GPR37L1: variants seen among roughly 807,000 people sequenced by gnomAD.
GPR37L1 encodes G protein-coupled receptor 37-like 1.
A neutral mutation model predicts 18.0 loss-of-function variants in GPR37L1; 18 were observed. That is an observed-to-expected ratio of 1.00 (90% confidence interval 0.69 to 1.49). GPR37L1 has a LOEUF of 1.49. Among genes scored for constraint, GPR37L1 ranks in the 40% most tolerant of loss-of-function variants. The probability of loss-of-function intolerance (pLI) is 0.00; values close to 1 mark genes in which losing one functional copy is unlikely to be tolerated. For missense variants in GPR37L1, 558 were observed against 615.1 expected, an observed-to-expected ratio of 0.91 and a Z score of 0.98; for synonymous variants, 256 against 273.9, an observed-to-expected ratio of 0.93 and a Z score of 0.65.
At position 202,128,013 on chromosome 1, in the gene GPR37L1, G is replaced by A. The variant is rs761369014; in HGVS notation, c.903G>A (p.Leu301=). The A allele has an allele frequency of 1.2e-6, 2 of 1,614,172 alleles. No individual in the cohort carries two copies. The highest frequency in any genetic ancestry group is 3.3e-5 in the Admixed American group (2 of 60,024). The change falls in exon 2 of 2, where the codon CTG becomes CTA. Residue 301 remains leucine, a synonymous_variant. Coordinates refer to ENST00000367282, the MANE Select transcript of GPR37L1 (RefSeq NM_004767.5). ...GCCTGCCCGAGTCCCTGTATTCACT[G>A]GTGATGACCTACCAGAACGCCCGCA... The part of the protein sequence containing the change: ...SASLPESLYS[L]VMTYQNARMW...
chr1:202,128,606 G>C lies in GPR37L1; in HGVS notation c.*50G>C. 8.9e-7 allele frequency: 1 copy of C among 1,120,772 alleles called. No homozygotes were observed. The highest frequency in any genetic ancestry group is 2.4e-5 in the East Asian group (1 of 41,276). The allele number at this position is 1,120,772 out of a possible 1,614,324, so 69.4% of individuals were successfully genotyped here. ...GGGAGAGGCCGCCACCCCCGCCGGTGTCTGCTGTTCTTTCCCCATAGGTCT... is the reference window on the plus strand; with the variant it reads ...GGGAGAGGCCGCCACCCCCGCCGGTCTCTGCTGTTCTTTCCCCATAGGTCT... On this transcript the variant is annotated 3_prime_UTR_variant, in exon 2 of 2. Transcript: ENST00000367282.
In GPR37L1 at chr1:202,131,466, T is replaced by A. The variant is rs1340695833; in HGVS notation, c.*2910T>A. 1 of 152,262 alleles carries A rather than the reference T, an allele frequency of 6.6e-6. No homozygotes were observed. The highest frequency in any genetic ancestry group is 2.4e-5 in the African/African-American group (1 of 41,480). 9.4% of individuals were successfully genotyped at this position (152,262 alleles called of 1,614,324 possible). A position where few individuals can be genotyped will look rare whatever the true frequency, so the allele number is the denominator to read the frequency against. ...TCCTTCCTCTCCTTTGGGAATTCAA[T>A]TCTCTAGTGTTAGGAGCAGGCTTGG... On this transcript the variant is annotated 3_prime_UTR_variant, in exon 2 of 2. Coordinates refer to ENST00000367282, the MANE Select transcript of GPR37L1 (RefSeq NM_004767.5).
chr1:202,127,888 A>T lies in GPR37L1; in HGVS notation c.778A>T (p.Met260Leu), dbSNP rs1234027497. Reference sequence around the variant, plus strand: ...GTTGGCTGTCATCTGGGTGGGCTCCATGACGCTGGCTGTGCCTGAGCTCCT... The same window carrying T: ...GTTGGCTGTCATCTGGGTGGGCTCCTTGACGCTGGCTGTGCCTGAGCTCCT... Reference protein sequence around the residue: ...AKLAVIWVGSMTLAVPELLLW... With the variant: ...AKLAVIWVGSLTLAVPELLLW... The change falls in exon 2 of 2, where the codon ATG becomes TTG. Residue 260 changes from methionine (M) to leucine (L), a missense_variant. Transcript: ENST00000367282. 1 of 1,613,734 alleles carries T rather than the reference A, an allele frequency of 6.2e-7. No individual in the cohort carries two copies. The highest frequency in any genetic ancestry group is 1.3e-5 in the African/African-American group (1 of 74,922).
intron 1 of GPR37L1, among the ~76,000 whole-genome samples, chr1:202,126,344 G>T (rs1409157858): frequency 1.3e-5 from 2 of 151,950 alleles, no homozygotes; most frequent in Non-Finnish European, 2.9e-5. Context: ...GGAGGTGGAG[G>T]TTGCAGTGAG....
At position 202,128,149 on chromosome 1, in the gene GPR37L1, G is replaced by T. The variant is rs763290313; in HGVS notation, c.1039G>T (p.Ala347Ser). 1.4e-5 allele frequency: 22 copies of T among 1,613,874 alleles called. No individual in the cohort carries two copies. The highest frequency in any genetic ancestry group is 1.7e-5 in the Non-Finnish European group (20 of 1,180,020). ...GPPGRKSECR[A>S]SKHEQCESQL... Reference sequence around the variant, plus strand: ...TCCAGGGAGGAAGTCAGAGTGCAGGGCCAGCAAGCACGAGCAGTGTGAGAG... The same window carrying T: ...TCCAGGGAGGAAGTCAGAGTGCAGGTCCAGCAAGCACGAGCAGTGTGAGAG... Residue 347 changes from alanine to serine, a missense_variant, in exon 2 of 2, where the codon GCC becomes TCC. Transcript: ENST00000367282.
At position 202,128,253 on chromosome 1, in the gene GPR37L1, G is replaced by A. The variant is rs780778706; in HGVS notation, c.1143G>A (p.Val381=). ...TCCCAGAGAACGTCTGCAACATCGT[G>A]GTGGCCTACCTCTCCACCGAGCTGA... ...CTLPENVCNI[V]VAYLSTELTR... Residue 381 remains valine, a synonymous_variant, in exon 2 of 2, where the codon GTG becomes GTA. Transcript: ENST00000367282. 1 of 1,613,968 alleles carries A rather than the reference G, an allele frequency of 6.2e-7. No individual in the cohort carries two copies. The highest frequency in any genetic ancestry group is 1.1e-5 in the South Asian group (1 of 91,076).
Position 202,128,576 on chromosome 1 carries a change from A to G in GPR37L1, c.*20A>G. On this transcript the variant is annotated 3_prime_UTR_variant, in exon 2 of 2. Coordinates refer to ENST00000367282, the MANE Select transcript of GPR37L1 (RefSeq NM_004767.5). ...TGCTGAGGCCCCAGTAGGGGTGGGGAGGGAGGGAGAGGCCGCCACCCCCGC... is the reference window on the plus strand; with the variant it reads ...TGCTGAGGCCCCAGTAGGGGTGGGGGGGGAGGGAGAGGCCGCCACCCCCGC... 2 of 623,856 alleles carry G rather than the reference A, an allele frequency of 3.2e-6. No homozygotes were observed. The highest frequency in any genetic ancestry group is 1.8e-5 in the South Asian group (1 of 57,100). 38.6% of individuals were successfully genotyped at this position (623,856 alleles called of 1,614,324 possible).
intron 1 of GPR37L1, among the ~76,000 whole-genome samples, chr1:202,124,653 T>G (rs1029651061): frequency 5.3e-5 from 8 of 152,324 alleles, no homozygotes; most frequent in African/African-American, 1.9e-4. Context: ...TCGTGAATGA[T>G]GCTGCATGAC....
chr1:202,124,429 G>A (rs565732953), intron 1 of GPR37L1, among the ~76,000 whole-genome samples: 21 of 152,318 alleles, frequency 1.4e-4, no homozygotes, highest in Admixed American at 3.3e-4. Context: ...TTCTGGTAGC[G>A]TCTACGATAA....
chr1:202,126,176 G>A lies in GPR37L1; in HGVS notation c.631-1565G>A, dbSNP rs538327509. Among the ~76,000 whole-genome samples the A allele has an allele frequency of 6.6e-5, 10 of 152,280 alleles. No individual in the cohort carries two copies. In the South Asian group the frequency reaches 2.1e-3, roughly 32 times the overall value. On this transcript the variant is annotated intron_variant, in intron 1 of 1. Transcript: ENST00000367282. The stretch of plus-strand genomic sequence containing the variant: ...TGTAATCCCAGCACTTTGGGAGGCC[G>A]AGGTGGGCGGATCACGAGGTCAGGA...
At position 202,128,388 on chromosome 1, in the gene GPR37L1, C is replaced by T; in HGVS notation, c.1278C>T (p.Ala426=). The change falls in exon 2 of 2, where the codon GCC becomes GCT. Residue 426 remains alanine, a synonymous_variant. Transcript: ENST00000367282. ...LLCICRPLGQ[A]FLDCCCCCCC... The stretch of plus-strand genomic sequence containing the variant: ...GCATCTGCAGGCCGCTGGGCCAGGC[C>T]TTCCTGGACTGCTGCTGCTGCTGCT... 2 of 1,614,176 alleles carry T rather than the reference C, an allele frequency of 1.2e-6. No individual in the cohort carries two copies. The highest frequency in any genetic ancestry group is 2.2e-5 in the South Asian group (2 of 91,086).
At chr1:202,126,660 T>C (rs1275338554) in intron 1 of GPR37L1, among the ~76,000 whole-genome samples, 1 of 152,092 alleles carries the variant, frequency 6.6e-6, no homozygotes, top group Non-Finnish European at 1.5e-5. Context: ...TCCTTCCTGC[T>C]CTTTGGCACT....
chr1:202,128,109 G>C lies in GPR37L1; in HGVS notation c.999G>C (p.Trp333Cys). 2 of 1,614,088 alleles carry C rather than the reference G, an allele frequency of 1.2e-6. No individual in the cohort carries two copies. The highest frequency in any genetic ancestry group is 1.7e-6 in the Non-Finnish European group (2 of 1,180,022). ...CAGTCACCTGCCAGCTGGTGACATG[G>C]CGGGTGCGAGGCCCTCCAGGGAGGA... ...LFTVTCQLVT[W>C]RVRGPPGRKS... The change falls in exon 2 of 2, where the codon TGG (tryptophan) becomes TGC (cysteine). Residue 333 changes from tryptophan to cysteine, a missense_variant. By Grantham distance (215) the Trp-to-Cys change is radical (BLOSUM62 -2). Coordinates refer to ENST00000367282, the MANE Select transcript of GPR37L1 (RefSeq NM_004767.5).
rs560025973 is a variant in GPR37L1, at chr1:202,127,073, A to T, written c.631-668A>T. Reference sequence around the variant, plus strand: ...TCCCCCAGCCTGAGAGGCAAAGAACAAGGGGGAAGGAGGCAGACATGTGTG... The same window carrying T: ...TCCCCCAGCCTGAGAGGCAAAGAACTAGGGGGAAGGAGGCAGACATGTGTG... On this transcript the variant is annotated intron_variant, in intron 1 of 1. Coordinates refer to ENST00000367282, the MANE Select transcript of GPR37L1 (RefSeq NM_004767.5). Among the ~76,000 whole-genome samples the T allele has an allele frequency of 2.0e-5, 3 of 152,290 alleles. No homozygotes were observed. The South Asian group carries it at 6.2e-4, about 32-fold the overall frequency.
intron 1 of GPR37L1, among the ~76,000 whole-genome samples, chr1:202,126,339 T>G (rs1571711961): frequency 6.8e-6 from 1 of 147,306 alleles, no homozygotes; most frequent in South Asian, 2.2e-4. Flanking sequence ...ACCCGGGAGG[T>G]GGAGGTTGCA....
intron 1 of GPR37L1, among the ~76,000 whole-genome samples, chr1:202,123,968 A>T: frequency 6.6e-6 from 1 of 150,692 alleles, no homozygotes; most frequent in East Asian, 2.0e-4. Context: ...CTTTGTTGTG[A>T]CTCCTCTTCT....
Position 202,130,888 on chromosome 1 carries a change from G to A in GPR37L1, c.*2332G>A, listed in dbSNP as rs1428332918. 1.3e-5 allele frequency: 2 copies of A among 152,228 alleles called. No individual in the cohort carries two copies. Among genetic ancestry groups the A allele is most frequent in the Non-Finnish European group, 2.9e-5 (2 of 68,082 alleles). 9.4% of individuals were successfully genotyped at this position (152,228 alleles called of 1,614,324 possible). On this transcript the variant is annotated 3_prime_UTR_variant, in exon 2 of 2. Coordinates refer to ENST00000367282, the MANE Select transcript of GPR37L1 (RefSeq NM_004767.5). ...TGTTTAGGGGTCCTCCTCCACAAAG[G>A]GTGCCCTCCACCTCTCCCTCCTGCT...
Position 202,123,351 on chromosome 1 carries a change from G to A in GPR37L1, c.388G>A (p.Ala130Thr), listed in dbSNP as rs371020139. The change falls in exon 1 of 2, where the codon GCC becomes ACC. Residue 130 changes from alanine (A) to threonine (T), a missense_variant. Coordinates refer to ENST00000367282, the MANE Select transcript of GPR37L1 (RefSeq NM_004767.5). ...TCCGGTGACCGAGAGCTCCTACAGT[G>A]CCTATGCCATCATGCTTCTGGCGCT... ...LYPVTESSYS[A>T]YAIMLLALVV... The A allele has an allele frequency of 1.4e-4, 219 of 1,614,076 alleles. No homozygotes were observed. Among genetic ancestry groups the A allele is most frequent in the Non-Finnish European group, 1.8e-4 (210 of 1,180,048 alleles).
intron 1 of GPR37L1, among the ~76,000 whole-genome samples, chr1:202,123,989 C>A (rs886875173): frequency 6.6e-6 from 1 of 152,150 alleles, no homozygotes; most frequent in Admixed American, 6.6e-5. Flanking sequence ...TTCCTCTGTA[C>A]CCCCTGCCGC....
Sources: allele counts gnomAD v4.1 joint callset (sites outside exome capture counted in the v4.1 genomes callset), GRCh38; gene constraint gnomAD v4.1.1; transcripts MANE v1.5; gene names NCBI Gene and HGNC (gene_info 2026-07-23, HGNC 2026-07-21).